The following TRIM66 variants were observed in gnomAD, a reference collection of about 807,000 sequenced individuals.
TRIM66 encodes the protein tripartite motif containing 66.
In TRIM66, 99 loss-of-function variants were observed where a neutral mutation model predicts 148.2. The ratio of observed to expected loss-of-function variants is 0.67; its 90% CI spans 0.57 to 0.79. The LOEUF is 0.79. Ranked by LOEUF, TRIM66 falls within the 30% of genes least tolerant of loss-of-function variation. TRIM66 has a pLI of 0.00. For missense variants in TRIM66, 1,666 were observed against 1,697.9 expected (o/e 0.98, Z 0.33); for synonymous variants, 616 against 635.9 (o/e 0.97, Z 0.47).
Position 8,620,089 on chromosome 11 carries a change from A to T in TRIM66, c.3708T>A (p.Asn1236Lys). The T allele has an allele frequency of 6.4e-7, 1 of 1,551,740 alleles. No individual in the cohort carries two copies. The highest frequency in any genetic ancestry group is 2.4e-5 in the East Asian group (1 of 40,920). Residue 1236 changes from asparagine to lysine, a missense_variant, in exon 22 of 25, where the codon AAT (asparagine) becomes AAA (lysine). Asn to Lys is a moderately conservative substitution (Grantham distance 94). Around this residue, in one of 3 missense-constraint regions of TRIM66, gnomAD observed 204 missense variants for 231.0 expected, o/e 0.88. Coordinates refer to ENST00000646038, the MANE Select transcript of TRIM66 (RefSeq NM_001388022.1). ...GTTCATGGAAGGGCAGGCTGAGGTTATTGCAGCACAAGGACAATACCAGCT... is the reference window on the plus strand; with the variant it reads ...GTTCATGGAAGGGCAGGCTGAGGTTTTTGCAGCACAAGGACAATACCAGCT... ...CEKLVLSLCC[N>K]NLSLPFHEPV... is the part of the protein sequence containing the mutation.
Position 8,641,017 on chromosome 11 carries a change from T to C in TRIM66, c.1358A>G (p.His453Arg). Residue 453 changes from histidine to arginine, a missense_variant, in exon 14 of 25, where the codon CAC becomes CGC. Physicochemically the swap from His to Arg is conservative, Grantham distance 29. This residue lies in a region of TRIM66 where 1,431 missense variants were observed against 1,412.4 expected (regional missense o/e 1.01). Coordinates refer to ENST00000646038, the MANE Select transcript of TRIM66 (RefSeq NM_001388022.1). ...AQQEALSHPS[H>R]KFQSPAVCSS... ...GCACACTGCTGGAGACTGGAACTTG[T>C]GTGAGGGGTGGCTAAGAGCCTCTTG... 6.4e-7 allele frequency: 1 copy of C among 1,551,516 alleles called. No homozygotes were observed. Among genetic ancestry groups the C allele is most frequent in the Non-Finnish European group, 8.7e-7 (1 of 1,146,942 alleles).
chr11:8,618,368 T>C (rs2033872732), intron 24 of TRIM66, among the ~76,000 whole-genome samples: 1 of 152,328 alleles, frequency 6.6e-6, no homozygotes, highest in East Asian at 1.9e-4. Flanking sequence ...GATCCCTTCC[T>C]TTCTCTCTCA....
At chr11:8,619,560 A>G (rs1487124020) in intron 22 of TRIM66, 25 bp from the exon 23 acceptor site, 7 of 1,510,258 alleles carry the variant, frequency 4.6e-6, no homozygotes, top group Non-Finnish European at 6.2e-6. Flanking sequence ...CATGAGGAGA[A>G]GGAGGCAAAG....
chr11:8,638,528 G>A lies in TRIM66; in HGVS notation c.2310+126C>T. 4.7e-6 allele frequency: 5 copies of A among 1,054,076 alleles called. No individual in the cohort carries two copies. The South Asian group carries it at 6.4e-5, about 14-fold the overall frequency. 65.3% of individuals were successfully genotyped at this position (1,054,076 alleles called of 1,614,324 possible). On this transcript the variant is annotated intron_variant, in intron 15 of 24. Transcript: ENST00000646038. ...ACTACGGCAGAAGGCATGAATCAGG[G>A]CTGTGTAGCGTCCAGGGATGGAACA... is the stretch of plus-strand genomic sequence containing the variant.
chr11:8,644,842 T>G (rs1020214605), intron 12 of TRIM66, among the ~76,000 whole-genome samples: 13 of 152,238 alleles, frequency 8.5e-5, no homozygotes, highest in Non-Finnish European at 1.6e-4. Context: ...TTTCAGAAGA[T>G]AGCCTGATTC....
At chr11:8,683,115 C>A (rs973433530), upstream of TRIM66, 3 of 1,377,810 alleles carry the variant, frequency 2.2e-6, no homozygotes, top group African/African-American at 2.9e-5. Flanking sequence ...GTCTTTGACC[C>A]ACAGGCTTAC....
At chr11:8,666,038 T>C (rs878987137) in intron 6 of TRIM66, among the ~76,000 whole-genome samples, 1 of 152,078 alleles carries the variant, frequency 6.6e-6, no homozygotes, top group South Asian at 2.1e-4. Flanking sequence ...CTGTAAGACC[T>C]ACTAAAGAAT....
chr11:8,647,488 C>T (rs1040681118), intron 10 of TRIM66, among the ~76,000 whole-genome samples: 1 of 152,142 alleles, frequency 6.6e-6, no homozygotes, highest in Non-Finnish European at 1.5e-5. Flanking sequence ...TGATACCCAA[C>T]CCAGTGCCTG....
chr11:8,643,678 T>C (rs1228286486), intron 12 of TRIM66, among the ~76,000 whole-genome samples: 1 of 152,116 alleles, frequency 6.6e-6, no homozygotes, highest in Non-Finnish European at 1.5e-5. Context: ...AGGCCTTAAG[T>C]GATTTGTCAT....
chr11:8,621,107 T>A lies in TRIM66; in HGVS notation c.3470A>T (p.Glu1157Val). 6.4e-7 allele frequency: 1 copy of A among 1,551,632 alleles called. No individual in the cohort carries two copies. The highest frequency in any genetic ancestry group is 8.7e-7 in the Non-Finnish European group (1 of 1,146,986). ...DFCAVCLNGG[E>V]LLCCDRCPKV... is the part of the protein sequence containing the mutation. The stretch of plus-strand genomic sequence containing the variant: ...GGGGCAGCGGTCACAGCACAGTAAC[T>A]CTCCGCCATTGAGGCAAACAGCACA... The change falls in exon 20 of 25, where the codon GAG becomes GTG. Residue 1157 changes from glutamate to valine, a missense_variant. By Grantham distance (121) the Glu-to-Val change is moderately radical (BLOSUM62 -2). Transcript: ENST00000646038.
rs1169392572 is a variant in TRIM66 at position 8,622,879 on chromosome 11, A to G, written c.3020-3T>C. The G allele has an allele frequency of 1.6e-5, 25 of 1,551,732 alleles. No individual in the cohort carries two copies. The highest frequency in any genetic ancestry group is 2.2e-5 in the Non-Finnish European group (25 of 1,146,978). On this transcript the variant is annotated splice_region_variant and splice_polypyrimidine_tract_variant and intron_variant, in intron 17 of 24. Transcript: ENST00000646038. ...TCCTTGTTCAAAATTCTCACACTCTAAGGCAAAAGACAAACAAATACCTGT... is the reference window on the plus strand; with the variant it reads ...TCCTTGTTCAAAATTCTCACACTCTGAGGCAAAAGACAAACAAATACCTGT...
chr11:8,650,975 C>T (rs1171744447), intron 7 of TRIM66, among the ~76,000 whole-genome samples: 1 of 152,212 alleles, frequency 6.6e-6, no homozygotes, highest in Non-Finnish European at 1.5e-5. Context: ...TCTGCCTGAT[C>T]TGAGGGTACC....
intron 6 of TRIM66, chr11:8,662,994 T>G (rs1175625512): frequency 1.3e-5 from 2 of 152,220 alleles, no homozygotes; most frequent in African/African-American, 4.8e-5. Context: ...GGACCATTCT[T>G]AATTAGCCAA....
At chr11:8,644,618 C>T (rs1357465372) in intron 12 of TRIM66, among the ~76,000 whole-genome samples, 1 of 152,134 alleles carries the variant, frequency 6.6e-6, no homozygotes, top group Non-Finnish European at 1.5e-5. Flanking sequence ...GTGTACTTAC[C>T]CCACCACACA....
chr11:8,676,694 T>C (rs1843061004), intron 3 of TRIM66, among the ~76,000 whole-genome samples: 3 of 152,240 alleles, frequency 2.0e-5, no homozygotes, highest in Admixed American at 1.3e-4. Flanking sequence ...AAGGGTCAAA[T>C]GACCCCATTT....
At chr11:8,649,211 T>C (rs1371196948) in intron 8 of TRIM66, among the ~76,000 whole-genome samples, 2 of 152,100 alleles carry the variant, frequency 1.3e-5, no homozygotes, top group African/African-American at 4.8e-5. Context: ...CGGTGGCGCA[T>C]GCCTGTAATC....
chr11:8,673,320 T>C (rs991046591), intron 4 of TRIM66, among the ~76,000 whole-genome samples: 1 of 152,222 alleles, frequency 6.6e-6, no homozygotes, highest in Non-Finnish European at 1.5e-5. Context: ...TAGTGTTTCA[T>C]TGTGATAATA....
At chr11:8,672,934 ACT>A (rs2039008773) in intron 4 of TRIM66, among the ~76,000 whole-genome samples, 1 of 111,436 alleles carries the variant, frequency 9.0e-6, no homozygotes. Context: ...CCTGGCCCAT[ACT>A]CTTTTTTTTT....
chr11:8,663,804 A>C (rs1319551510), intron 6 of TRIM66, among the ~76,000 whole-genome samples: 2 of 152,238 alleles, frequency 1.3e-5, no homozygotes, highest in African/African-American at 4.8e-5. Flanking sequence ...CATTAAAAAA[A>C]AGGAAAACCT....
Sources: gnomAD v4.1 joint callset for allele counts (sites outside exome capture counted in the v4.1 genomes callset) on GRCh38, gnomAD v4.1.1 for gene constraint, gnomAD v4.1.1 regional missense constraint, MANE v1.5 for transcripts, NCBI Gene and HGNC (gene_info 2026-07-23, HGNC 2026-07-21) for gene names.